LOXHD1: variants seen among roughly 807,000 people sequenced by gnomAD.
LOXHD1 encodes the protein lipoxygenase homology domain-containing protein 1.
In LOXHD1, 205 loss-of-function variants were observed where a neutral mutation model predicts 248.2. That is an observed-to-expected ratio of 0.83 (90% confidence interval 0.74 to 0.93). LOXHD1 has a LOEUF of 0.93. Ranked by LOEUF, LOXHD1 falls within the 40% of genes least tolerant of loss-of-function variation. The probability of loss-of-function intolerance (pLI) is 0.00; values close to 1 mark genes in which losing one functional copy is unlikely to be tolerated. For synonymous variants in LOXHD1, 1,113 were observed against 1,162.8 expected (o/e 0.96, Z 0.87); for missense variants, 2,930 against 2,971.6 (o/e 0.99, Z 0.33).
rs2032117759 is a variant in LOXHD1 at position 46,477,611 on chromosome 18, T to C, written c.6683A>G (p.Tyr2228Cys). 1 of 1,551,754 alleles carries C rather than the reference T, an allele frequency of 6.4e-7. No homozygotes were observed. The highest frequency in any genetic ancestry group is 8.7e-7 in the Non-Finnish European group (1 of 1,147,006). Residue 2228 changes from tyrosine (Y) to cysteine (C), a missense_variant, in exon 41 of 41, where the codon TAC becomes TGC. Physicochemically the swap from Tyr to Cys is radical, Grantham distance 194. Coordinates refer to ENST00000642948, the MANE Select transcript of LOXHD1 (RefSeq NM_001384474.1). The stretch of plus-strand genomic sequence containing the variant: ...CTTCTCCACCAGCCAGCCTGAGCAG[T>C]AGCCACTGCTGTCGTGCTCCAGGCG... ...KVRLEHDSSG[Y>C]CSGWLVEKVE...
intron 2 of LOXHD1, among the ~76,000 whole-genome samples, chr18:46,646,317 T>C (rs999964149): frequency 1.3e-5 from 2 of 152,204 alleles, no homozygotes; most frequent in African/African-American, 4.8e-5. Flanking sequence ...TCAGCTGCCA[T>C]ATGTTCTGGG....
intron 40 of LOXHD1, among the ~76,000 whole-genome samples, chr18:46,479,851 T>C: frequency 6.6e-6 from 1 of 151,602 alleles, no homozygotes; most frequent in African/African-American, 2.4e-5. Flanking sequence ...TCTCATTAGC[T>C]CCCACAACAA....
chr18:46,549,226 C>T (rs1305874937), intron 21 of LOXHD1, among the ~76,000 whole-genome samples: 1 of 152,174 alleles, frequency 6.6e-6, no homozygotes, highest in African/African-American at 2.4e-5. Flanking sequence ...AAGCTCACCA[C>T]ACTCCTAAAC....
intron 21 of LOXHD1, among the ~76,000 whole-genome samples, chr18:46,554,474 G>A (rs1051557007): frequency 2.6e-5 from 4 of 152,180 alleles, no homozygotes; most frequent in Non-Finnish European, 4.4e-5. Context: ...ATTCTGATTC[G>A]GTTTCTTCTG....
At chr18:46,591,562 C>T (rs141708279) in intron 12 of LOXHD1, among the ~76,000 whole-genome samples, 38 of 152,314 alleles carry the variant, frequency 2.5e-4, no homozygotes, top group African/African-American at 7.9e-4. Context: ...TACAGGATCC[C>T]AGATCTAGCT....
At chr18:46,506,872 G>T (rs542263895) in intron 36 of LOXHD1, among the ~76,000 whole-genome samples, 1 of 152,288 alleles carries the variant, frequency 6.6e-6, no homozygotes, top group Non-Finnish European at 1.5e-5. Context: ...ATGGCTCCTG[G>T]AGAGCAGGCT....
In LOXHD1 at chr18:46,538,178, G is replaced by C; in HGVS notation, c.4073C>G (p.Ser1358Cys). ...REQKQFFERK[S>C]ASRFIVELED... ...TACCTCTACGATGAAGCGGGAGGCA[G>C]ACTTCCTCTCAAAGAACTGCTTCTG... The change falls in exon 26 of 41, where the codon TCT becomes TGT. Residue 1358 changes from serine (S) to cysteine (C), a missense_variant. Physicochemically the swap from Ser to Cys is moderately radical, Grantham distance 112. Transcript: ENST00000642948. 1 of 1,533,032 alleles carries C rather than the reference G, an allele frequency of 6.5e-7. No individual in the cohort carries two copies. The highest frequency in any genetic ancestry group is 8.8e-7 in the Non-Finnish European group (1 of 1,131,152). The allele number at this position is 1,533,032 out of a possible 1,614,324, so 95.0% of individuals were successfully genotyped here.
At chr18:46,608,753 G>A (rs2038460502) in intron 6 of LOXHD1, among the ~76,000 whole-genome samples, 1 of 152,204 alleles carries the variant, frequency 6.6e-6, no homozygotes, top group South Asian at 2.1e-4. Flanking sequence ...GACCAGGCAA[G>A]CCCTTCCTTT....
chr18:46,544,625 C>T (rs879008694), intron 23 of LOXHD1, among the ~76,000 whole-genome samples: 1 of 152,204 alleles, frequency 6.6e-6, no homozygotes, highest in African/African-American at 2.4e-5. Flanking sequence ...ATTTTATCCT[C>T]ATTTTATAAA....
chr18:46,564,828 G>T (rs1176158883), intron 17 of LOXHD1, among the ~76,000 whole-genome samples: 1 of 152,182 alleles, frequency 6.6e-6, no homozygotes, highest in Non-Finnish European at 1.5e-5. Flanking sequence ...GAACTTGCAG[G>T]TTGCTTCAGA....
intron 21 of LOXHD1, among the ~76,000 whole-genome samples, chr18:46,549,281 T>C (rs560095954): frequency 6.6e-6 from 1 of 152,238 alleles, no homozygotes; most frequent in African/African-American, 2.4e-5. Context: ...AAGCAGGAGG[T>C]TGAAACTGAG....
chr18:46,518,479 A>G (rs1270983891), intron 33 of LOXHD1, among the ~76,000 whole-genome samples: 1 of 152,230 alleles, frequency 6.6e-6, no homozygotes, highest in African/African-American at 2.4e-5. Flanking sequence ...GAGTTCTGAC[A>G]GCCCTTCTGC....
At chr18:46,529,064 G>A in intron 29 of LOXHD1, 113 bp downstream of exon 29, 1 of 1,315,220 alleles carries the variant, frequency 7.6e-7, no homozygotes, top group Non-Finnish European at 1.1e-6. Flanking sequence ...AAATGAGTGT[G>A]CACAATGCCC....
chr18:46,558,335 T>C (rs1048333050), intron 20 of LOXHD1, among the ~76,000 whole-genome samples: 6 of 152,226 alleles, frequency 3.9e-5, no homozygotes, highest in African/African-American at 1.4e-4. Flanking sequence ...AACAAGGATA[T>C]TCTCATATAA....
At chr18:46,521,338 C>T in intron 32 of LOXHD1, 56 bp from the exon 33 acceptor site, 1 of 1,538,648 alleles carries the variant, frequency 6.5e-7, no homozygotes, top group South Asian at 1.2e-5. Flanking sequence ...GAAGGAAGTG[C>T]TCCCTGCCCA....
chr18:46,639,525 G>T (rs2038935772), intron 4 of LOXHD1, 91 bp downstream of exon 4: 1 of 1,430,396 alleles, frequency 7.0e-7, no homozygotes, highest in South Asian at 1.4e-5. Flanking sequence ...AGGTAGGTGA[G>T]ACTGCCCAGA....
chr18:46,520,661 T>TA (rs1287598191), intron 33 of LOXHD1: 2 of 242,648 alleles, frequency 8.2e-6, no homozygotes, highest in Non-Finnish European at 1.6e-5. Flanking sequence ...ATTCACAGTA[T>TA]CCCAGATGCC....
Position 46,506,007 on chromosome 18 carries a change from G to C in LOXHD1, c.5709C>G (p.Ala1903=), listed in dbSNP as rs2034546761. Residue 1903 remains alanine, a synonymous_variant, in exon 37 of 41, where the codon GCC becomes GCG. Coordinates refer to ENST00000642948, the MANE Select transcript of LOXHD1 (RefSeq NM_001384474.1). ...TSDILGAGTD[A]NVFIIIFGEN... is the part of the protein sequence containing the mutation. ...CCCCGAAGATGATGATGAACACGTT[G>C]GCATCAGTGCCTGCTCCTGGGGGGT... 1.3e-6 allele frequency: 2 copies of C among 1,552,060 alleles called. No homozygotes were observed. The highest frequency in any genetic ancestry group is 2.0e-5 in the Admixed American group (1 of 50,988).
At chr18:46,506,142 A>G (rs2034557478) in intron 36 of LOXHD1, 119 bp from the exon 37 acceptor site, 1 of 1,073,290 alleles carries the variant, frequency 9.3e-7, no homozygotes, top group Non-Finnish European at 1.3e-6. Flanking sequence ...CAGAGTACAG[A>G]CTCAAGAAGG....
Sources: allele counts gnomAD v4.1 joint callset (sites outside exome capture counted in the v4.1 genomes callset), GRCh38; gene constraint gnomAD v4.1.1; transcripts MANE v1.5; gene names NCBI Gene and HGNC (gene_info 2026-07-23, HGNC 2026-07-21).